UBAP2: variants seen among roughly 807,000 people sequenced by gnomAD.
The protein encoded by UBAP2 is ubiquitin associated protein 2.
Under a neutral mutation model 139.6 loss-of-function variants are expected in UBAP2, and 75 were observed. The ratio of observed to expected loss-of-function variants is 0.54; its 90% confidence interval spans 0.45 to 0.65. UBAP2 has a LOEUF of 0.65. Ranked by LOEUF, UBAP2 falls within the 30% of genes least tolerant of loss-of-function variation. The pLI is 0.00. For synonymous variants in UBAP2, 526 were observed against 526.2 expected, an observed-to-expected ratio of 1.00 and a Z score of 0.01; for missense variants, 1,368 against 1,369.6, an observed-to-expected ratio of 1.00 and a Z score of 0.02.
At chr9:33,989,188 C>T (rs1821473421) in intron 4 of UBAP2, 62 bp from the exon 5 acceptor site, 7 of 1,416,448 alleles carry the variant, frequency 4.9e-6, no homozygotes, top group Non-Finnish European at 6.6e-6. Context: ...ATCAAAGGCA[C>T]ATGCATGTAT....
intron 1 of UBAP2, among the ~76,000 whole-genome samples, chr9:34,036,488 C>T (rs1826379225): frequency 6.6e-6 from 1 of 152,080 alleles, no homozygotes; most frequent in Non-Finnish European, 1.5e-5. Flanking sequence ...GAATCCTTGC[C>T]AAATACTCAA....
At chr9:34,005,294 G>A (rs964139383) in intron 2 of UBAP2, among the ~76,000 whole-genome samples, 9 of 150,784 alleles carry the variant, frequency 6.0e-5, no homozygotes, top group Non-Finnish European at 1.2e-4. Flanking sequence ...AATTAGCCAG[G>A]CATGGTGGCG....
At chr9:33,969,123 A>AC (rs1188075387) in intron 8 of UBAP2, among the ~76,000 whole-genome samples, 6 of 152,204 alleles carry the variant, frequency 3.9e-5, no homozygotes, top group Non-Finnish European at 8.8e-5. Context: ...GTTCAACAGG[A>AC]AGTATGGGTT....
chr9:34,008,103 C>A (rs560831369), intron 2 of UBAP2, among the ~76,000 whole-genome samples: 2 of 151,860 alleles, frequency 1.3e-5, no homozygotes, highest in Admixed American at 6.6e-5. Flanking sequence ...CCACTGCACT[C>A]CAGCATGGCG....
Position 33,963,732 on chromosome 9 carries a change from G to C in UBAP2, c.739C>G (p.Leu247Val). ...QDLSNKSSYG[L>V]KGAWKNSVEE... ...AAAAATTAAGTATTCATACCTTTGA[G>C]TCCATAAGAACTTTTGTTTGACAGA... is the stretch of plus-strand genomic sequence containing the variant. Residue 247 changes from leucine (L) to valine (V), a missense_variant, in exon 9 of 29, where the codon CTC (leucine) becomes GTC (valine). Physicochemically the swap from Leu to Val is conservative, Grantham distance 32. Transcript: ENST00000379238. The C allele has an allele frequency of 6.2e-7, 1 of 1,603,452 alleles. No individual in the cohort carries two copies.
At chr9:33,944,240 T>C (rs2130935788) in intron 14 of UBAP2, 125 bp downstream of exon 14, 1 of 1,282,582 alleles carries the variant, frequency 7.8e-7, no homozygotes, top group East Asian at 2.3e-5. Flanking sequence ...ATCCTTATTA[T>C]GCAATCAATA....
At chr9:34,035,890 TTCTC>T (rs997205087) in intron 1 of UBAP2, among the ~76,000 whole-genome samples, 1 of 92,526 alleles carries the variant, frequency 1.1e-5, no homozygotes, top group African/African-American at 3.3e-5. Context: ...ATACTGCACA[TTCTC>T]TCTTTTTTTT....
intron 12 of UBAP2, among the ~76,000 whole-genome samples, chr9:33,950,901 G>A (rs573756545): frequency 6.6e-6 from 1 of 152,300 alleles, no homozygotes; most frequent in South Asian, 2.1e-4. Flanking sequence ...ACACACATGT[G>A]CATACATGCA....
chr9:33,984,537 A>T (rs935859122), intron 6 of UBAP2, among the ~76,000 whole-genome samples: 1 of 151,750 alleles, frequency 6.6e-6, no homozygotes, highest in Non-Finnish European at 1.5e-5. Flanking sequence ...TTAGCCAGGC[A>T]TGGTGGGGCT....
At chr9:33,941,502 AAAC>A in intron 16 of UBAP2, 144 bp downstream of exon 16, 1 of 707,768 alleles carries the variant, frequency 1.4e-6, no homozygotes, top group East Asian at 2.7e-5. Context: ...TGCCCACTAT[AAAC>A]AAACTCAATG....
At chr9:33,998,189 G>A (rs961481821) in intron 3 of UBAP2, 2 of 152,262 alleles carry the variant, frequency 1.3e-5, no homozygotes, top group Non-Finnish European at 2.9e-5. Flanking sequence ...CTTGAGCCCA[G>A]GAATTCAAGA....
chr9:33,923,934 G>A lies in UBAP2; in HGVS notation c.2657C>T (p.Pro886Leu). The A allele has an allele frequency of 6.2e-7, 1 of 1,614,192 alleles. No individual in the cohort carries two copies. The highest frequency in any genetic ancestry group is 8.5e-7 in the Non-Finnish European group (1 of 1,180,026). Residue 886 changes from proline to leucine, a missense_variant, in exon 24 of 29, where the codon CCA becomes CTA. Physicochemically the swap from Pro to Leu is moderately conservative, Grantham distance 98 (BLOSUM62 -3). Transcript: ENST00000379238. ...GTGGGTCTGTGATTGGCTCTGCTGT[G>A]GCTGAGCTGGTGTGGTAGCGGGTGC... ...SPAPATTPAQPQQSQSQTHHT... is the reference protein window; with the variant it reads ...SPAPATTPAQLQQSQSQTHHT...
intron 10 of UBAP2, among the ~76,000 whole-genome samples, chr9:33,957,952 G>A (rs1226210338): frequency 1.3e-5 from 2 of 152,066 alleles, no homozygotes; most frequent in African/African-American, 4.8e-5. Flanking sequence ...GTGTGGGAAG[G>A]GTTTTTTTTT....
chr9:33,943,443 G>C lies in UBAP2; in HGVS notation c.1692C>G (p.Ile564Met). Residue 564 changes from isoleucine to methionine, a missense_variant, in exon 15 of 29, where the codon ATC (isoleucine) becomes ATG (methionine). Transcript: ENST00000379238. ...ACCTTAAAGACTTCGAATACAAGCT[G>C]ATGGGAATCTGATTACTATTTTCAC... ...PSSENSNQIP[I>M]SLYSKSLSEP... The C allele has an allele frequency of 6.2e-7, 1 of 1,614,190 alleles. No individual in the cohort carries two copies. The highest frequency in any genetic ancestry group is 8.5e-7 in the Non-Finnish European group (1 of 1,180,030).
chr9:33,923,215 T>A lies in UBAP2; in HGVS notation c.2975A>T (p.Asn992Ile). ...GCCAGGCCCAGAACCTGCAGACTTG[T>A]TTGGTGCCTGCGATGATCCAGCATA... is the stretch of plus-strand genomic sequence containing the variant. Reference protein sequence around the residue: ...GGYAGSSQAPNKSAGSGPGKG... With the variant: ...GGYAGSSQAPIKSAGSGPGKG... The change falls in exon 26 of 29, where the codon AAC becomes ATC. Residue 992 changes from asparagine to isoleucine, a missense_variant. Coordinates refer to ENST00000379238, the MANE Select transcript of UBAP2 (RefSeq NM_001370062.2). 6.2e-7 allele frequency: 1 copy of A among 1,614,128 alleles called. No individual in the cohort carries two copies. Among genetic ancestry groups the A allele is most frequent in the Non-Finnish European group, 8.5e-7 (1 of 1,180,004 alleles).
At chr9:34,039,226 G>A (rs1826800751) in intron 1 of UBAP2, among the ~76,000 whole-genome samples, 1 of 150,064 alleles carries the variant, frequency 6.7e-6, no homozygotes, top group South Asian at 2.1e-4. Context: ...CGCCCCGTTG[G>A]GGAGTTGGGG....
intron 2 of UBAP2, among the ~76,000 whole-genome samples, chr9:34,014,032 A>T (rs10814061): frequency 0.079 from 12,016 of 152,040 alleles, 680 homozygotes; most frequent in Non-Finnish European, 0.12. Flanking sequence ...AAAGAAAAAA[A>T]TTTAAAAGGG....
intron 1 of UBAP2, among the ~76,000 whole-genome samples, chr9:34,047,663 T>C (rs535166039): frequency 2.0e-5 from 3 of 152,316 alleles, no homozygotes; most frequent in African/African-American, 7.2e-5. Flanking sequence ...AGATAATCTT[T>C]GGATACCTTA....
At chr9:33,933,428 T>A in intron 18 of UBAP2, 62 bp downstream of exon 18, 1 of 1,580,274 alleles carries the variant, frequency 6.3e-7, no homozygotes, top group Non-Finnish European at 8.6e-7. Flanking sequence ...AGCAACCTTC[T>A]ACAGGAGCTC....
Sources: gnomAD v4.1 joint callset for allele counts (sites outside exome capture counted in the v4.1 genomes callset) on GRCh38, gnomAD v4.1.1 for gene constraint, MANE v1.5 for transcripts, NCBI Gene and HGNC (gene_info 2026-07-23, HGNC 2026-07-21) for gene names.